ABCC3: variants seen among roughly 807,000 people sequenced by gnomAD.
ABCC3 encodes the protein ATP-binding cassette sub-family C member 3.
ABCC3 carries 121 observed loss-of-function variants against 165.3 expected under a neutral mutation model. The observed-to-expected ratio is 0.73, with a 90% CI of 0.63 to 0.85. The LOEUF (loss-of-function observed/expected upper bound fraction) is 0.85. Among genes scored for constraint, ABCC3 ranks in the 40% least tolerant of loss-of-function variants. The pLI, the probability that ABCC3 is intolerant of heterozygous loss-of-function variation, is 0.00. For missense variants in ABCC3, 1,869 were observed against 1,964.1 expected (o/e 0.95, Z 0.92); for synonymous variants, 733 against 810.1 (o/e 0.90, Z 1.62).
At chr17:50,686,850 G>A (rs2146646510) in intron 29 of ABCC3, among the ~76,000 whole-genome samples, 1 of 152,270 alleles carries the variant, frequency 6.6e-6, no homozygotes, top group Non-Finnish European at 1.5e-5. Context: ...CGGCTGTGGT[G>A]ACTCACGCCT....
intron 30 of ABCC3, among the ~76,000 whole-genome samples, chr17:50,690,548 T>C (rs1171082223): frequency 1.3e-5 from 2 of 151,854 alleles, no homozygotes; most frequent in Non-Finnish European, 2.9e-5. Context: ...ACTCGGTGAG[T>C]GGTTGGTGGG....
In ABCC3 at chr17:50,692,169, C is replaced by A. The variant is rs1032215005; in HGVS notation, c.*969C>A. ...CACAAAGAAGCCGAGAGGCCACCTC[C>A]TGCCCAGAGAGAAGCCACCCACACT... is the stretch of plus-strand genomic sequence containing the variant. On this transcript the variant is annotated 3_prime_UTR_variant, in exon 31 of 31. Transcript: ENST00000285238. 1 of 152,270 alleles carries A rather than the reference C, an allele frequency of 6.6e-6. No homozygotes were observed. Among genetic ancestry groups the A allele is most frequent in the Admixed American group, 6.5e-5 (1 of 15,282 alleles). 9.4% of individuals were successfully genotyped at this position (152,270 alleles called of 1,614,324 possible).
intron 29 of ABCC3, 95 bp downstream of exon 29, chr17:50,684,970 G>A (rs537851730): frequency 2.1e-6 from 3 of 1,404,246 alleles, no homozygotes; most frequent in Non-Finnish European, 9.7e-7. Context: ...ACAGAGATGA[G>A]GCCAGCCCGG....
At chr17:50,657,990 A>G (rs1967290220) in intron 4 of ABCC3, 92 bp from the exon 5 acceptor site, 2 of 1,580,086 alleles carry the variant, frequency 1.3e-6, no homozygotes. Context: ...CCTGCCCCAG[A>G]GGAGACTGAT....
rs1967231951 is a variant in ABCC3, at chr17:50,655,970, G to A, written c.184G>A (p.Gly62Ser). ...GCTCTACCTGCGGCACCATTGTCGT[G>A]GCTACATCATCCTCTCCCACCTGTC... ...YLLYLRHHCR[G>S]YIILSHLSKL... Residue 62 changes from glycine to serine, a missense_variant, in exon 2 of 31, where the codon GGC becomes AGC. Physicochemically the swap from Gly to Ser is moderately conservative, Grantham distance 56. Transcript: ENST00000285238. 6.2e-7 allele frequency: 1 copy of A among 1,614,062 alleles called. No homozygotes were observed.
chr17:50,676,893 G>A (rs1037350963), intron 23 of ABCC3, among the ~76,000 whole-genome samples: 12 of 150,760 alleles, frequency 8.0e-5, no homozygotes, highest in Admixed American at 2.0e-4. Flanking sequence ...TTTTGGGGGG[G>A]GGGGGACGGA....
At chr17:50,673,384 C>G in intron 18 of ABCC3, 85 bp from the exon 19 acceptor site, 1 of 1,522,588 alleles carries the variant, frequency 6.6e-7, no homozygotes, top group Non-Finnish European at 8.9e-7. Flanking sequence ...CATGGGCACA[C>G]TTCACACTCA....
intron 1 of ABCC3, among the ~76,000 whole-genome samples, chr17:50,645,066 T>G (rs1390610944): frequency 6.6e-6 from 1 of 151,046 alleles, no homozygotes; most frequent in East Asian, 2.0e-4. Flanking sequence ...CCTGGCGTAG[T>G]GGCATGTGCC....
At position 50,684,070 on chromosome 17, in the gene ABCC3, T is replaced by C. The variant is rs1418860776; in HGVS notation, c.4076T>C (p.Leu1359Pro). 6.2e-7 allele frequency: 1 copy of C among 1,613,242 alleles called. No homozygotes were observed. Among genetic ancestry groups the C allele is most frequent in the Non-Finnish European group, 8.5e-7 (1 of 1,179,744 alleles). The change falls in exon 28 of 31, where the codon CTC becomes CCC. Residue 1359 changes from leucine (L) to proline (P), a missense_variant. Transcript: ENST00000285238. ...IDGLNVADIG[L>P]HDLRSQLTII... is the part of the protein sequence containing the mutation. ...GGCCTCAATGTGGCAGACATCGGCC[T>C]CCATGACCTGCGCTCTCAGCTGACC...
chr17:50,676,059 G>A lies in ABCC3; in HGVS notation c.3036G>A (p.Leu1012=). The change falls in exon 22 of 31, where the codon CTG becomes CTA. Residue 1012 remains leucine (L), a synonymous_variant. Transcript: ENST00000285238. ...GACAGAACAACACTTCCCTGAGGCT[G>A]GGCGTCTATGCTGCTTTAGGAATTC... The part of the protein sequence containing the change: ...DSRQNNTSLR[L]GVYAALGILQ... 1 of 1,614,198 alleles carries A rather than the reference G, an allele frequency of 6.2e-7. No individual in the cohort carries two copies. The highest frequency in any genetic ancestry group is 8.5e-7 in the Non-Finnish European group (1 of 1,180,044).
At position 50,655,879 on chromosome 17, in the gene ABCC3, C is replaced by T; in HGVS notation, c.93C>T (p.Cys31=). ...CAGAAAACCCGGACCTCACTCCCTG[C>T]TTCCAGAACTCCCTGCTGGCCTGGG... ...VHTENPDLTP[C]FQNSLLAWVP... Residue 31 remains cysteine, a synonymous_variant, in exon 2 of 31, where the codon TGC becomes TGT. Coordinates refer to ENST00000285238, the MANE Select transcript of ABCC3 (RefSeq NM_003786.4). The T allele has an allele frequency of 1.2e-6, 2 of 1,614,024 alleles. No homozygotes were observed. Among genetic ancestry groups the T allele is most frequent in the Non-Finnish European group, 1.7e-6 (2 of 1,179,986 alleles).
At chr17:50,637,568 G>C (rs183534074) in intron 1 of ABCC3, among the ~76,000 whole-genome samples, 4 of 152,270 alleles carry the variant, frequency 2.6e-5, no homozygotes, top group East Asian at 1.9e-4. Flanking sequence ...ATGCAAGGAG[G>C]GGGTGGGGTG....
intron 1 of ABCC3, among the ~76,000 whole-genome samples, chr17:50,644,968 A>G (rs1239915878): frequency 1.3e-5 from 2 of 152,190 alleles, no homozygotes; most frequent in African/African-American, 4.8e-5. Context: ...CAGTGAGCCG[A>G]GATCACGCCA....
intron 1 of ABCC3, among the ~76,000 whole-genome samples, chr17:50,652,984 T>C (rs1453432164): frequency 6.6e-6 from 1 of 152,160 alleles, no homozygotes; most frequent in East Asian, 1.9e-4. Context: ...CCTTACTTGG[T>C]CACTAAATGC....
In ABCC3 at chr17:50,691,147, A is replaced by G; in HGVS notation, c.4531A>G (p.Ile1511Val). 1 of 1,614,194 alleles carries G rather than the reference A, an allele frequency of 6.2e-7. No individual in the cohort carries two copies. The highest frequency in any genetic ancestry group is 8.5e-7 in the Non-Finnish European group (1 of 1,180,022). Residue 1511 changes from isoleucine (I) to valine (V), a missense_variant, in exon 31 of 31, where the codon ATT becomes GTT. Transcript: ENST00000285238. ...VAEFDSPANL[I>V]AARGIFYGMA... ...TGAATTTGATTCTCCAGCCAACCTCATTGCAGCTAGAGGCATCTTCTACGG... is the reference window on the plus strand; with the variant it reads ...TGAATTTGATTCTCCAGCCAACCTCGTTGCAGCTAGAGGCATCTTCTACGG...
intron 11 of ABCC3, among the ~76,000 whole-genome samples, chr17:50,667,002 A>G (rs946289083): frequency 6.6e-6 from 1 of 152,102 alleles, no homozygotes; most frequent in Non-Finnish European, 1.5e-5. Context: ...GGAGGATCAC[A>G]TGAGGCCAGG....
At position 50,659,218 on chromosome 17, in the gene ABCC3, G is replaced by A. The variant is rs773184097; in HGVS notation, c.675-19G>A. The A allele has an allele frequency of 8.1e-6, 13 of 1,612,292 alleles. No homozygotes were observed. Among genetic ancestry groups the A allele is most frequent in the East Asian group, 2.2e-5 (1 of 44,854 alleles). The stretch of plus-strand genomic sequence containing the variant: ...CTGACCCTCTGCGGGGCTGCCTGCC[G>A]GGCTTCACCTCCCCCCAGGATGGCC... On this transcript the variant is annotated intron_variant, in intron 6 of 30. Transcript: ENST00000285238.
rs374143344 is a variant in ABCC3, at chr17:50,683,619, G to A, written c.3817G>A (p.Val1273Met). 8 of 1,576,306 alleles carry A rather than the reference G, an allele frequency of 5.1e-6. No homozygotes were observed. Among genetic ancestry groups the A allele is most frequent in the Non-Finnish European group, 6.9e-6 (8 of 1,162,012 alleles). Residue 1273 changes from valine (V) to methionine (M), a missense_variant, in exon 27 of 31, where the codon GTG becomes ATG. Transcript: ENST00000285238. ...YSKTETEAPW[V>M]VEGSRPPEGW... is the part of the protein sequence containing the mutation. ...CTGCCCCTCCTGCCAGGCGCCCTGG[G>A]TGGTGGAAGGCAGCCGCCCTCCCGA...
chr17:50,687,846 C>A, intron 30 of ABCC3, 116 bp downstream of exon 30: 1 of 1,128,780 alleles, frequency 8.9e-7, no homozygotes, highest in Non-Finnish European at 1.3e-6. Context: ...ATTGCTAGGG[C>A]ATGGCAGGCA....
Sources: gnomAD v4.1 joint callset for allele counts (sites outside exome capture counted in the v4.1 genomes callset) on GRCh38, gnomAD v4.1.1 for gene constraint, MANE v1.5 for transcripts, NCBI Gene and HGNC (gene_info 2026-07-23, HGNC 2026-07-21) for gene names.